Variants in MARCHF3 observed in about 807,000 individuals in gnomAD.
MARCHF3 encodes membrane associated ring-CH-type finger 3.
Under a neutral mutation model 24.2 loss-of-function variants are expected in MARCHF3, and 13 were observed. The observed-to-expected ratio is 0.54, with a 90% CI of 0.35 to 0.85. MARCHF3 has a LOEUF of 0.85. MARCHF3 is among the 40% of genes least tolerant of loss of function. MARCHF3 has a pLI of 0.01. For synonymous variants in MARCHF3, 144 were observed against 137.3 expected (o/e 1.05, Z -0.34); for missense variants, 276 against 325.0 (o/e 0.85, Z 1.16).
chr5:126,929,053 A>T (rs1353467649), intron 1 of MARCHF3, among the ~76,000 whole-genome samples: 8 of 152,196 alleles, frequency 5.3e-5, no homozygotes, highest in African/African-American at 1.9e-4. Context: ...GGCCCAAACA[A>T]GTTGTACACA....
intron 3 of MARCHF3, among the ~76,000 whole-genome samples, chr5:126,895,138 C>G (rs550871703): frequency 2.0e-5 from 3 of 152,052 alleles, no homozygotes; most frequent in Non-Finnish European, 4.4e-5. Flanking sequence ...ACGTAGTTCT[C>G]GAGCCTTGGT....
intron 1 of MARCHF3, among the ~76,000 whole-genome samples, chr5:126,934,576 A>G (rs996303488): frequency 2.0e-5 from 3 of 152,124 alleles, no homozygotes; most frequent in Non-Finnish European, 4.4e-5. Context: ...GCTTGCAAGC[A>G]TCTCTAAAAC....
At chr5:126,978,840 G>T (rs1751293024) in intron 1 of MARCHF3, among the ~76,000 whole-genome samples, 1 of 152,158 alleles carries the variant, frequency 6.6e-6, no homozygotes, top group Non-Finnish European at 1.5e-5. Flanking sequence ...TCATGGATGG[G>T]CTTCTGGGGC....
At chr5:126,985,320 T>C (rs186969384) in intron 1 of MARCHF3, among the ~76,000 whole-genome samples, 34 of 152,244 alleles carry the variant, frequency 2.2e-4, no homozygotes, top group Non-Finnish European at 3.5e-4. Flanking sequence ...TAAACCACAA[T>C]CTGACTTTTG....
In MARCHF3 at chr5:126,935,646, T is replaced by C. The variant is rs1231302604; in HGVS notation, c.-56-17419A>G. Among the ~76,000 whole-genome samples, 3 of 146,242 alleles carry C rather than the reference T, an allele frequency of 2.1e-5. No homozygotes were observed. In the East Asian group the frequency reaches 6.0e-4, roughly 29 times the overall value. On this transcript the variant is annotated intron_variant, in intron 1 of 4. Transcript: ENST00000308660. ...TTTTTTTGAGACGGAGTTTTGCTCT[T>C]GTTGCCCAGGCTGGAGTGCAATGGC...
intron 1 of MARCHF3, among the ~76,000 whole-genome samples, chr5:126,939,231 C>T (rs1749746546): frequency 6.6e-6 from 1 of 152,134 alleles, no homozygotes; most frequent in South Asian, 2.1e-4. Flanking sequence ...CTTGAGTATG[C>T]CTTCCCTAGA....
In MARCHF3 at chr5:126,895,132, A is replaced by T. The variant is rs531187750; in HGVS notation, c.394-16738T>A. ...CCTGAGGCTTCTGCATTCTTCACGT[A>T]GTTCTCGAGCCTTGGTTTTCAGCTC... On this transcript the variant is annotated intron_variant, in intron 3 of 4. Transcript: ENST00000308660. Among the ~76,000 whole-genome samples the T allele has an allele frequency of 2.5e-3, 379 of 151,994 alleles. 4 individuals are homozygous for T. The highest frequency in any genetic ancestry group is 8.8e-3 in the African/African-American group (366 of 41,428).
At chr5:126,914,209 T>C (rs1297379826) in intron 3 of MARCHF3, among the ~76,000 whole-genome samples, 1 of 151,882 alleles carries the variant, frequency 6.6e-6, no homozygotes, top group Non-Finnish European at 1.5e-5. Flanking sequence ...GGTCTTGATC[T>C]CCTGACCTTG....
At chr5:126,870,911 G>A (rs1752945099) in intron 4 of MARCHF3, 120 bp from the exon 5 acceptor site, 1 of 1,360,090 alleles carries the variant, frequency 7.4e-7, no homozygotes, top group African/African-American at 1.5e-5. Flanking sequence ...ACTATGGCAG[G>A]GCAAGAACCC....
chr5:126,937,843 A>G (rs989248262), intron 1 of MARCHF3, among the ~76,000 whole-genome samples: 16 of 152,340 alleles, frequency 1.1e-4, no homozygotes, highest in African/African-American at 3.8e-4. Flanking sequence ...TAGAGTTAAC[A>G]AAGAAGGTGA....
intron 1 of MARCHF3, among the ~76,000 whole-genome samples, chr5:126,950,502 G>A (rs1054868864): frequency 6.6e-5 from 10 of 151,844 alleles, no homozygotes; most frequent in East Asian, 3.9e-4. Flanking sequence ...ACAGACTCTC[G>A]CCACCCCACC....
intron 1 of MARCHF3, among the ~76,000 whole-genome samples, chr5:126,935,601 CTTTTTT>C (rs202058243): frequency 2.8e-5 from 2 of 70,590 alleles, no homozygotes; most frequent in African/African-American, 1.1e-4. Flanking sequence ...GTATATATGG[CTTTTTT>C]TTTTTTTTTT....
At chr5:126,898,993 TA>T in intron 3 of MARCHF3, 1 of 984,944 alleles carries the variant, frequency 1.0e-6, no homozygotes, top group Non-Finnish European at 1.2e-6. Flanking sequence ...TTCAAAAGCA[TA>T]TTATTTCTCT....
At chr5:126,918,350 G>A (rs1003336707) in intron 1 of MARCHF3, 123 bp from the exon 2 acceptor site, 8 of 634,486 alleles carry the variant, frequency 1.3e-5, no homozygotes, top group Non-Finnish European at 2.1e-5. Flanking sequence ...GCCTAGATGT[G>A]GCACATTATC....
chr5:126,980,708 C>A (rs1751366256), intron 1 of MARCHF3, among the ~76,000 whole-genome samples: 1 of 152,134 alleles, frequency 6.6e-6, no homozygotes, highest in Non-Finnish European at 1.5e-5. Flanking sequence ...CCAAATAAAA[C>A]ACATCTATGG....
chr5:126,921,538 G>T (rs1414516717), intron 1 of MARCHF3, among the ~76,000 whole-genome samples: 6 of 152,218 alleles, frequency 3.9e-5, no homozygotes, highest in African/African-American at 7.2e-5. Flanking sequence ...AAAACAGCAG[G>T]CTGTTGCCGA....
At chr5:126,924,390 C>G (rs1041709852) in intron 1 of MARCHF3, among the ~76,000 whole-genome samples, 5 of 152,116 alleles carry the variant, frequency 3.3e-5, no homozygotes, top group African/African-American at 1.2e-4. Context: ...CAATACAAGG[C>G]GGTCAGTGAC....
At chr5:126,961,538 C>A (rs1047075444) in intron 1 of MARCHF3, among the ~76,000 whole-genome samples, 1 of 152,112 alleles carries the variant, frequency 6.6e-6, no homozygotes, top group Admixed American at 6.6e-5. Context: ...TTGTCCTATG[C>A]TGTCCCCTAT....
intron 2 of MARCHF3, among the ~76,000 whole-genome samples, chr5:126,916,570 T>G (rs1376505776): frequency 6.6e-6 from 1 of 151,980 alleles, no homozygotes; most frequent in Non-Finnish European, 1.5e-5. Context: ...GCTGACAAGT[T>G]TTTTTTTAAC....
Sources: gnomAD v4.1 joint callset for allele counts (sites outside exome capture counted in the v4.1 genomes callset) on GRCh38, gnomAD v4.1.1 for gene constraint, MANE v1.5 for transcripts, NCBI Gene and HGNC (gene_info 2026-07-23, HGNC 2026-07-21) for gene names.